UHRF2: variants seen among roughly 807,000 people sequenced by gnomAD.
UHRF2 encodes ubiquitin like with PHD and ring finger domains 2.
In UHRF2, 23 loss-of-function variants were observed where a neutral mutation model predicts 96.8. That is an observed-to-expected ratio of 0.24 (90% CI 0.17 to 0.34). The LOEUF is 0.34. Among genes scored for constraint, UHRF2 ranks in the 10% least tolerant of loss-of-function variants. UHRF2 has a pLI of 1.00. For missense variants in UHRF2, 685 were observed against 981.5 expected, an observed-to-expected ratio of 0.70 and a Z score of 4.04; for synonymous variants, 385 against 332.6, an observed-to-expected ratio of 1.16 and a Z score of -1.72.
chr9:6,477,601 C>T (rs1202941146), intron 5 of UHRF2, 21 bp from the exon 6 acceptor site: 21 of 1,574,216 alleles, frequency 1.3e-5, no homozygotes, highest in Non-Finnish European at 1.8e-5. Flanking sequence ...ACTAGACTTG[C>T]TATAATTTTG....
chr9:6,461,329 C>G (rs1822522702), intron 4 of UHRF2, among the ~76,000 whole-genome samples: 1 of 144,636 alleles, frequency 6.9e-6, no homozygotes, highest in African/African-American at 2.6e-5. Context: ...CTTTCTGTCT[C>G]TCTCCCTCCC....
intron 3 of UHRF2, among the ~76,000 whole-genome samples, chr9:6,445,453 A>G (rs974102200): frequency 6.6e-6 from 1 of 151,948 alleles, no homozygotes; most frequent in African/African-American, 2.4e-5. Context: ...TAGAGATGGG[A>G]TCTCACCATG....
At chr9:6,425,156 C>T (rs552216263) in intron 2 of UHRF2, among the ~76,000 whole-genome samples, 1 of 152,288 alleles carries the variant, frequency 6.6e-6, no homozygotes, top group East Asian at 1.9e-4. Context: ...TAATGTACTT[C>T]ACTGCCTTGA....
chr9:6,454,820 A>G (rs974265670), intron 3 of UHRF2, among the ~76,000 whole-genome samples: 18 of 152,206 alleles, frequency 1.2e-4, no homozygotes, highest in African/African-American at 4.3e-4. Context: ...TATCATAAAT[A>G]CTAATTCCTG....
chr9:6,461,603 C>T (rs1822548093), intron 4 of UHRF2, among the ~76,000 whole-genome samples: 1 of 151,664 alleles, frequency 6.6e-6, no homozygotes, highest in African/African-American at 2.4e-5. Flanking sequence ...GACTCCTGCC[C>T]TCAAGTGATG....
intron 8 of UHRF2, among the ~76,000 whole-genome samples, chr9:6,482,876 C>T (rs138051337): frequency 1.3e-5 from 2 of 152,270 alleles, no homozygotes; most frequent in East Asian, 1.9e-4. Flanking sequence ...TGAGCCACTG[C>T]GCCCGGCCTG....
At chr9:6,502,711 T>A (rs1176606807) in intron 14 of UHRF2, among the ~76,000 whole-genome samples, 2 of 152,246 alleles carry the variant, frequency 1.3e-5, no homozygotes, top group Non-Finnish European at 2.9e-5. Context: ...ACATTGTAGC[T>A]ACCTGTAACT....
chr9:6,484,248 T>C (rs990079940), intron 8 of UHRF2, among the ~76,000 whole-genome samples: 8 of 152,046 alleles, frequency 5.3e-5, no homozygotes, highest in Non-Finnish European at 1.0e-4. Context: ...TGTTTTGTTT[T>C]GTTTTTTGGT....
At chr9:6,505,924 G>A in intron 15 of UHRF2, 109 bp from the exon 16 acceptor site, 1 of 1,152,710 alleles carries the variant, frequency 8.7e-7, no homozygotes, top group East Asian at 2.4e-5. Flanking sequence ...TGTTCATTCT[G>A]TACATTTCTC....
At chr9:6,433,886 T>C (rs1247848360) in intron 2 of UHRF2, 28 bp from the exon 3 acceptor site, 1 of 1,591,918 alleles carries the variant, frequency 6.3e-7, no homozygotes, top group Non-Finnish European at 8.6e-7. Context: ...AAATTAAGCT[T>C]CATTAACTGA....
chr9:6,452,172 C>T lies in UHRF2; in HGVS notation c.645-8401C>T, dbSNP rs75604845. On this transcript the variant is annotated intron_variant, in intron 3 of 15. Coordinates refer to ENST00000276893, the MANE Select transcript of UHRF2 (RefSeq NM_152896.3). ...TAGGAGCACAATATTCTATTATGTA[C>T]CTGTATTATGTTATCTTAAGGGTTT... 7.0e-4 allele frequency among the ~76,000 whole-genome samples: 106 copies of T among 151,876 alleles called. 1 individual carries two copies. The East Asian group carries it at 0.018, about 26-fold the overall frequency.
chr9:6,492,455 C>T (rs749369934), intron 9 of UHRF2: 37 of 728,514 alleles, frequency 5.1e-5, no homozygotes, highest in Non-Finnish European at 5.9e-5. Context: ...GATTAAGTTT[C>T]GTAATACCTT....
chr9:6,423,180 G>A (rs530330689), intron 2 of UHRF2, among the ~76,000 whole-genome samples: 33 of 152,184 alleles, frequency 2.2e-4, no homozygotes, highest in African/African-American at 2.4e-5. Flanking sequence ...TATGTATATA[G>A]AAAGATTAAG....
At chr9:6,438,838 C>T (rs952447463) in intron 3 of UHRF2, among the ~76,000 whole-genome samples, 2 of 152,166 alleles carry the variant, frequency 1.3e-5, no homozygotes, top group African/African-American at 4.8e-5. Context: ...TAGCTATTCT[C>T]TTGCATTTTC....
Position 6,475,492 on chromosome 9 carries a change from A to G in UHRF2, c.965A>G (p.Lys322Arg). 1 of 1,582,650 alleles carries G rather than the reference A, an allele frequency of 6.3e-7. No individual in the cohort carries two copies. Among genetic ancestry groups the G allele is most frequent in the Non-Finnish European group, 8.6e-7 (1 of 1,164,190 alleles). ...CATCCCCTTTCATTTGCAGATGGAA[A>G]GTTTTTAAGTATGGATTTTTGTTTT... is the stretch of plus-strand genomic sequence containing the variant. ...GAHPLSFADG[K>R]FLRRNDPECD... Residue 322 changes from lysine (K) to arginine (R), a missense_variant, in exon 5 of 16, where the codon AAG becomes AGG. Transcript: ENST00000276893.
At chr9:6,440,881 C>T (rs1450627549) in intron 3 of UHRF2, among the ~76,000 whole-genome samples, 1 of 152,074 alleles carries the variant, frequency 6.6e-6, no homozygotes, top group Non-Finnish European at 1.5e-5. Flanking sequence ...TGAGGGAGCC[C>T]CCTTCCCTCT....
intron 3 of UHRF2, among the ~76,000 whole-genome samples, chr9:6,445,347 T>TC: frequency 6.6e-6 from 1 of 152,176 alleles, no homozygotes; most frequent in East Asian, 1.9e-4. Context: ...CACTGCAACC[T>TC]CCACCTCCCA....
chr9:6,446,817 C>G (rs1010085792), intron 3 of UHRF2, among the ~76,000 whole-genome samples: 3 of 151,834 alleles, frequency 2.0e-5, no homozygotes, highest in African/African-American at 4.8e-5. Context: ...TGCACTCCAG[C>G]CTGGGTGACA....
chr9:6,443,797 T>A (rs1173847106), intron 3 of UHRF2, among the ~76,000 whole-genome samples: 1 of 152,196 alleles, frequency 6.6e-6, no homozygotes, highest in Non-Finnish European at 1.5e-5. Flanking sequence ...TCACTTAGAA[T>A]TTTGTGGGTA....
Sources: allele counts gnomAD v4.1 joint callset (sites outside exome capture counted in the v4.1 genomes callset), GRCh38; gene constraint gnomAD v4.1.1; transcripts MANE v1.5; gene names NCBI Gene and HGNC (gene_info 2026-07-23, HGNC 2026-07-21).